CDH13: variants seen among roughly 807,000 people sequenced by gnomAD.
CDH13 encodes cadherin-13.
A neutral mutation model predicts 63.8 loss-of-function variants in CDH13; 24 were observed. The observed-to-expected ratio is 0.38, with a 90% CI of 0.27 to 0.53. The LOEUF is 0.53. Among genes scored for constraint, CDH13 ranks in the 20% least tolerant of loss-of-function variants. The probability of loss-of-function intolerance (pLI) is 0.85; values close to 1 mark genes in which losing one functional copy is unlikely to be tolerated. For missense variants in CDH13, 1,049 were observed against 903.1 expected (o/e 1.16, Z -2.07); for synonymous variants, 503 against 355.3 (o/e 1.42, Z -4.67).
chr16:82,720,270 C>G (rs2032683096), intron 1 of CDH13, among the ~76,000 whole-genome samples: 1 of 152,144 alleles, frequency 6.6e-6, no homozygotes, highest in Non-Finnish European at 1.5e-5. Context: ...ACAAACAATT[C>G]CAACTAATGG....
chr16:83,716,302 G>A (rs1018337206), intron 10 of CDH13, among the ~76,000 whole-genome samples: 1 of 152,052 alleles, frequency 6.6e-6, no homozygotes, highest in South Asian at 2.1e-4. Context: ...TGCAAATTAG[G>A]GTTCCCTTTT....
chr16:83,660,886 T>C (rs988870478), intron 8 of CDH13, among the ~76,000 whole-genome samples: 1 of 152,108 alleles, frequency 6.6e-6, no homozygotes. Context: ...GAAGGAGAGC[T>C]ACTAACGTCC....
chr16:83,462,415 G>A lies in CDH13; in HGVS notation c.782-24062G>A, dbSNP rs766793153. On this transcript the variant is annotated intron_variant, in intron 6 of 13. Transcript: ENST00000567109. ...TTTCAGTTTCTAGCTCTTTAAACAA[G>A]GGTCAGGGACAGCTTACTATTGCAG... is the stretch of plus-strand genomic sequence containing the variant. Among the ~76,000 whole-genome samples the A allele has an allele frequency of 9.8e-5, 15 of 152,290 alleles. No individual in the cohort carries two copies. In the East Asian group the frequency reaches 2.9e-3, roughly 29 times the overall value.
intron 5 of CDH13, among the ~76,000 whole-genome samples, chr16:83,227,839 A>G (rs900517642): frequency 1.7e-4 from 26 of 152,254 alleles, no homozygotes; most frequent in South Asian, 1.7e-3. Flanking sequence ...GATTCATTCA[A>G]AGGACATTGA....
Position 83,114,236 on chromosome 16 carries a change from A to G in CDH13, c.367-11149A>G, listed in dbSNP as rs184697487. ...ATGCATTTTTTATTTTAATTTTGAG[A>G]TTGGCCGTCCCCAACGCCTCTGATG... On this transcript the variant is annotated intron_variant, in intron 3 of 13. Transcript: ENST00000567109. Among the ~76,000 whole-genome samples, 58 of 152,194 alleles carry G rather than the reference A, an allele frequency of 3.8e-4. No individual in the cohort carries two copies. The Middle Eastern group carries it at 0.01, about 27-fold the overall frequency.
At chr16:83,407,527 A>C (rs1335747306) in intron 6 of CDH13, among the ~76,000 whole-genome samples, 1 of 152,216 alleles carries the variant, frequency 6.6e-6, no homozygotes, top group Non-Finnish European at 1.5e-5. Flanking sequence ...AATTATTTCT[A>C]ATCACTGGTT....
intron 1 of CDH13, among the ~76,000 whole-genome samples, chr16:82,647,313 G>A (rs1321652666): frequency 6.6e-6 from 1 of 152,214 alleles, no homozygotes; most frequent in East Asian, 1.9e-4. Flanking sequence ...GGACTTAACA[G>A]ACCATGGTTG....
rs76757230 is a variant in CDH13 at position 83,158,355 on chromosome 16, A to G, written c.483+32854A>G. On this transcript the variant is annotated intron_variant, in intron 4 of 13. Transcript: ENST00000567109. ...CTGCACTGTGCTGTGCAGTGAATCCATATTTCTTTTCCTTTTTTCCTTTTC... is the reference window on the plus strand; with the variant it reads ...CTGCACTGTGCTGTGCAGTGAATCCGTATTTCTTTTCCTTTTTTCCTTTTC... Among the ~76,000 whole-genome samples the G allele has an allele frequency of 9.8e-4, 149 of 151,938 alleles. 1 individual carries two copies. In the East Asian group the frequency reaches 0.025, roughly 25 times the overall value.
At chr16:83,414,550 C>G (rs28570360) in intron 6 of CDH13, among the ~76,000 whole-genome samples, 17,266 of 152,102 alleles carry the variant, frequency 0.11, 1,275 homozygotes, top group Middle Eastern at 0.17. Context: ...AAACTTTATG[C>G]CTGTTGATTA....
At chr16:82,888,148 T>C (rs2040955318) in intron 2 of CDH13, among the ~76,000 whole-genome samples, 1 of 152,220 alleles carries the variant, frequency 6.6e-6, no homozygotes, top group Non-Finnish European at 1.5e-5. Context: ...AACAACCTTT[T>C]GGGAAGAAAA....
At chr16:83,548,061 C>T (rs2075421102) in intron 7 of CDH13, among the ~76,000 whole-genome samples, 1 of 151,802 alleles carries the variant, frequency 6.6e-6, no homozygotes, top group Admixed American at 6.6e-5. Context: ...GAATTATCAC[C>T]TGGGCTGCTT....
intron 1 of CDH13, among the ~76,000 whole-genome samples, chr16:82,675,402 G>T (rs992007975): frequency 2.0e-5 from 3 of 152,150 alleles, no homozygotes; most frequent in East Asian, 3.9e-4. Flanking sequence ...CAAACTGATG[G>T]AAGGAGGAAA....
chr16:83,722,977 C>T (rs1310602630), intron 10 of CDH13, among the ~76,000 whole-genome samples: 1 of 152,182 alleles, frequency 6.6e-6, no homozygotes, highest in Non-Finnish European at 1.5e-5. Flanking sequence ...GAGCACAGAG[C>T]TGAGCTGTGA....
chr16:82,995,254 T>C (rs1255676382), intron 2 of CDH13, among the ~76,000 whole-genome samples: 1 of 152,186 alleles, frequency 6.6e-6, no homozygotes, highest in Admixed American at 6.5e-5. Flanking sequence ...TCCTCCGTTT[T>C]GCAACAGCAG....
intron 6 of CDH13, among the ~76,000 whole-genome samples, chr16:83,369,598 T>G (rs1458555863): frequency 6.6e-6 from 1 of 152,162 alleles, no homozygotes; most frequent in Non-Finnish European, 1.5e-5. Flanking sequence ...TTTTTAAATT[T>G]ATTTTTCGTA....
intron 1 of CDH13, among the ~76,000 whole-genome samples, chr16:82,640,782 AG>A (rs1195619495): frequency 6.6e-6 from 1 of 152,220 alleles, no homozygotes; most frequent in African/African-American, 2.4e-5. Context: ...ACTTTTATCA[AG>A]GTAAAGATGC....
At chr16:82,780,535 C>T (rs1016276419) in intron 1 of CDH13, among the ~76,000 whole-genome samples, 23 of 151,442 alleles carry the variant, frequency 1.5e-4, no homozygotes, top group African/African-American at 5.3e-4. Flanking sequence ...GTGATGCTGA[C>T]ATTTTGTAAT....
intron 10 of CDH13, among the ~76,000 whole-genome samples, chr16:83,707,707 G>C (rs1907302982): frequency 6.6e-6 from 1 of 151,690 alleles, no homozygotes; most frequent in Non-Finnish European, 1.5e-5. Flanking sequence ...TTGATCTGGT[G>C]GCCGTTCAAT....
chr16:82,658,649 G>A (rs953293172), intron 1 of CDH13, among the ~76,000 whole-genome samples: 1 of 152,190 alleles, frequency 6.6e-6, no homozygotes, highest in African/African-American at 2.4e-5. Context: ...GATCTCCAAG[G>A]GTGGTTGCGT....
Sources: allele counts gnomAD v4.1 joint callset (sites outside exome capture counted in the v4.1 genomes callset), GRCh38; gene constraint gnomAD v4.1.1; transcripts MANE v1.5; gene names NCBI Gene and HGNC (gene_info 2026-07-23, HGNC 2026-07-21).